The following SGCZ variants were observed in gnomAD, a reference collection of about 807,000 sequenced individuals.
SGCZ encodes sarcoglycan zeta, also known as zeta-sarcoglycan.
In SGCZ, 40 loss-of-function variants were observed where a neutral mutation model predicts 41.3. The observed-to-expected ratio is 0.97, with a 90% CI of 0.75 to 1.26. The LOEUF (loss-of-function observed/expected upper bound fraction) is 1.26, where lower values mean the gene tolerates loss of function less well. Among genes scored for constraint, SGCZ ranks in the 50% most tolerant of loss-of-function variants. SGCZ has a pLI of 0.00. For synonymous variants in SGCZ, 206 were observed against 137.5 expected (o/e 1.50, Z -3.49); for missense variants, 552 against 369.8 (o/e 1.49, Z -4.04).
At position 14,898,495 on chromosome 8, in the gene SGCZ, A is replaced by C. The variant is rs150353764; in HGVS notation, c.39+339090T>G. ...TGAGAAGATATTGGGCCAGGGACTGATATGGTTAGGTTGTGTTCTTAAAAT... is the reference window on the plus strand; with the variant it reads ...TGAGAAGATATTGGGCCAGGGACTGCTATGGTTAGGTTGTGTTCTTAAAAT... On this transcript the variant is annotated intron_variant, in intron 1 of 7. Coordinates refer to ENST00000382080, the MANE Select transcript of SGCZ (RefSeq NM_139167.4). 4.9e-3 allele frequency among the ~76,000 whole-genome samples: 742 copies of C among 152,308 alleles called. 6 individuals are homozygous for C. The highest frequency in any genetic ancestry group is 0.016 in the African/African-American group (680 of 41,582).
chr8:15,108,074 AG>A (rs888738341), intron 1 of SGCZ, among the ~76,000 whole-genome samples: 1 of 152,164 alleles, frequency 6.6e-6, no homozygotes, highest in Non-Finnish European at 1.5e-5. Context: ...TCAAGGAAAT[AG>A]GTTTGGATTT....
intron 1 of SGCZ, among the ~76,000 whole-genome samples, chr8:14,763,770 T>C (rs1328414945): frequency 6.6e-6 from 1 of 152,184 alleles, no homozygotes; most frequent in Non-Finnish European, 1.5e-5. Flanking sequence ...TCATATAGCC[T>C]TAGTTCTACA....
intron 2 of SGCZ, among the ~76,000 whole-genome samples, chr8:14,508,510 A>G (rs1309970171): frequency 2.0e-5 from 3 of 152,146 alleles, no homozygotes; most frequent in African/African-American, 7.2e-5. Context: ...CTTGTTTTCC[A>G]GTCTGCCACT....
At chr8:14,108,374 A>G (rs548846561) in intron 5 of SGCZ, 139 bp from the exon 6 acceptor site, 1 of 677,944 alleles carries the variant, frequency 1.5e-6, no homozygotes, top group South Asian at 1.9e-5. Context: ...CCGTTTTCAC[A>G]CTGCTGATAA....
At chr8:15,066,168 C>T (rs563768473) in intron 1 of SGCZ, among the ~76,000 whole-genome samples, 33 of 151,814 alleles carry the variant, frequency 2.2e-4, no homozygotes, top group Non-Finnish European at 3.8e-4. Context: ...ATTAGCCGGG[C>T]GCGGTGGCGG....
chr8:14,213,240 A>C (rs888926374), intron 4 of SGCZ, among the ~76,000 whole-genome samples: 3 of 152,144 alleles, frequency 2.0e-5, no homozygotes, highest in African/African-American at 7.2e-5. Flanking sequence ...GAAATGCAGA[A>C]GACACATACC....
intron 1 of SGCZ, among the ~76,000 whole-genome samples, chr8:14,719,243 C>T (rs189424360): frequency 0.34 from 48,286 of 142,748 alleles, 9,866 homozygotes; most frequent in African/African-American, 0.57. Context: ...TTTCTTAATC[C>T]AGTCTATCAT....
intron 2 of SGCZ, among the ~76,000 whole-genome samples, chr8:14,394,489 T>C (rs1804909237): frequency 6.6e-6 from 1 of 152,088 alleles, no homozygotes; most frequent in African/African-American, 2.4e-5. Flanking sequence ...CATACTGACA[T>C]CTAAGAAACA....
intron 1 of SGCZ, among the ~76,000 whole-genome samples, chr8:14,750,896 T>C (rs1799477882): frequency 6.6e-6 from 1 of 152,172 alleles, no homozygotes; most frequent in Non-Finnish European, 1.5e-5. Flanking sequence ...TTTGTATGAA[T>C]AAAACAGATT....
intron 3 of SGCZ, among the ~76,000 whole-genome samples, chr8:14,296,520 T>C (rs1801016441): frequency 6.6e-6 from 1 of 152,220 alleles, no homozygotes; most frequent in African/African-American, 2.4e-5. Context: ...ACAAAAGTAA[T>C]AGAATTTGTG....
At chr8:14,408,759 A>T (rs1290242072) in intron 2 of SGCZ, among the ~76,000 whole-genome samples, 2 of 152,006 alleles carry the variant, frequency 1.3e-5, no homozygotes, top group African/African-American at 4.8e-5. Flanking sequence ...GAATTTTCTA[A>T]ATCCCTACAT....
chr8:14,926,177 A>C (rs181238383), intron 1 of SGCZ, among the ~76,000 whole-genome samples: 5 of 152,348 alleles, frequency 3.3e-5, no homozygotes, highest in Admixed American at 6.5e-5. Context: ...ATAGATATTA[A>C]TGCAAACAGC....
chr8:14,892,518 C>A (rs548715987), intron 1 of SGCZ, among the ~76,000 whole-genome samples: 7 of 152,186 alleles, frequency 4.6e-5, no homozygotes, highest in Non-Finnish European at 2.9e-5. Flanking sequence ...TTGGATAAAG[C>A]CAACATTAAC....
At chr8:14,588,597 A>C (rs1300349190) in intron 1 of SGCZ, among the ~76,000 whole-genome samples, 1 of 152,166 alleles carries the variant, frequency 6.6e-6, no homozygotes, top group Non-Finnish European at 1.5e-5. Context: ...TTGGGCAAAT[A>C]AAATAAAGTA....
intron 2 of SGCZ, among the ~76,000 whole-genome samples, chr8:14,396,118 C>G (rs1300058191): frequency 6.6e-6 from 1 of 152,162 alleles, no homozygotes; most frequent in Admixed American, 6.6e-5. Flanking sequence ...TCTGCCATCT[C>G]ATGTTCTCAT....
chr8:14,341,118 T>G (rs1247243017), intron 2 of SGCZ, among the ~76,000 whole-genome samples: 1 of 152,222 alleles, frequency 6.6e-6, no homozygotes, highest in Non-Finnish European at 1.5e-5. Flanking sequence ...CCTTCCTTTT[T>G]GCTGCTAAAT....
chr8:14,278,343 A>G (rs1157298278), intron 3 of SGCZ, among the ~76,000 whole-genome samples: 2 of 152,100 alleles, frequency 1.3e-5, no homozygotes, highest in African/African-American at 4.8e-5. Context: ...ATTATATAAC[A>G]TTTGTTATTT....
At chr8:14,781,650 T>C (rs1585255249) in intron 1 of SGCZ, among the ~76,000 whole-genome samples, 1 of 152,312 alleles carries the variant, frequency 6.6e-6, no homozygotes, top group East Asian at 1.9e-4. Flanking sequence ...AGCAACTAGT[T>C]GCTACATATA....
intron 1 of SGCZ, among the ~76,000 whole-genome samples, chr8:14,987,602 C>A (rs988300071): frequency 4.6e-5 from 7 of 151,888 alleles, no homozygotes; most frequent in Non-Finnish European, 1.0e-4. Context: ...ACTTACATAC[C>A]CAGTCATCCT....
Sources: gnomAD v4.1 joint callset for allele counts (sites outside exome capture counted in the v4.1 genomes callset) on GRCh38, gnomAD v4.1.1 for gene constraint, MANE v1.5 for transcripts, NCBI Gene and HGNC (gene_info 2026-07-23, HGNC 2026-07-21) for gene names.